The following PTPRK variants were observed in gnomAD, a reference collection of about 807,000 sequenced individuals.
PTPRK encodes receptor-type tyrosine-protein phosphatase kappa.
In PTPRK, 75 loss-of-function variants were observed where a neutral mutation model predicts 178.0. The ratio of observed to expected loss-of-function variants is 0.42; its 90% CI spans 0.35 to 0.51. PTPRK has a LOEUF of 0.51. Ranked by LOEUF, PTPRK falls within the 20% of genes least tolerant of loss-of-function variation. The pLI is 0.02. For missense variants in PTPRK, 1,441 were observed against 1,797.8 expected, an observed-to-expected ratio of 0.80 and a Z score of 3.59; for synonymous variants, 637 against 620.6, an observed-to-expected ratio of 1.03 and a Z score of -0.39.
At chr6:128,254,208 G>A (rs923943501) in intron 3 of PTPRK, among the ~76,000 whole-genome samples, 2 of 152,066 alleles carry the variant, frequency 1.3e-5, no homozygotes, top group Admixed American at 6.6e-5. Flanking sequence ...GGGATAGAAC[G>A]CCTGTGAACT....
At chr6:128,472,759 A>T (rs942593709) in intron 1 of PTPRK, 1 of 276,968 alleles carries the variant, frequency 3.6e-6, no homozygotes, top group African/African-American at 2.3e-5. Context: ...AATTAAGAAA[A>T]CTTAACATTG....
intron 1 of PTPRK, among the ~76,000 whole-genome samples, chr6:128,455,949 T>C (rs1848331088): frequency 6.6e-6 from 1 of 152,128 alleles, no homozygotes. Flanking sequence ...AAGAGCCATA[T>C]AATCTACAAT....
In PTPRK at chr6:128,114,391, G is replaced by A. The variant is rs138656254; in HGVS notation, c.1163-24399C>T. Among the ~76,000 whole-genome samples the A allele has an allele frequency of 3.6e-3, 545 of 151,962 alleles. 5 individuals carry two copies. Among genetic ancestry groups the A allele is most frequent in the African/African-American group, 0.012 (500 of 41,482 alleles). ...TCAGCACTTTCAGAGGCGGAGGTGG[G>A]CGGATCACCTAAGGTCAGGAGTTCA... On this transcript the variant is annotated intron_variant, in intron 7 of 29. Transcript: ENST00000368226.
chr6:128,139,178 C>A (rs575815004), intron 7 of PTPRK, among the ~76,000 whole-genome samples: 7 of 151,990 alleles, frequency 4.6e-5, no homozygotes, highest in African/African-American at 1.7e-4. Flanking sequence ...AGAACAACAA[C>A]ATTATGGAGA....
intron 6 of PTPRK, among the ~76,000 whole-genome samples, chr6:128,193,279 T>TA (rs1554338433): frequency 0.091 from 1,764 of 19,334 alleles, 35 homozygotes; most frequent in African/African-American, 0.19. Context: ...ATCCAGCTTG[T>TA]GAAAAAAAAA....
intron 1 of PTPRK, among the ~76,000 whole-genome samples, chr6:128,503,418 G>A (rs1412868733): frequency 6.6e-6 from 1 of 152,062 alleles, no homozygotes; most frequent in East Asian, 1.9e-4. Flanking sequence ...TCCACGTCCT[G>A]ATGGCACTTT....
chr6:128,372,287 G>A (rs2128349549), intron 2 of PTPRK, among the ~76,000 whole-genome samples: 1 of 152,282 alleles, frequency 6.6e-6, no homozygotes, highest in South Asian at 2.1e-4. Flanking sequence ...AAGAATACCA[G>A]GAAATGGTGA....
At chr6:128,504,315 T>C (rs1027998925) in intron 1 of PTPRK, among the ~76,000 whole-genome samples, 1 of 152,202 alleles carries the variant, frequency 6.6e-6, no homozygotes, top group African/African-American at 2.4e-5. Flanking sequence ...TAAAATTATA[T>C]GCTTTTCTAA....
At chr6:128,004,956 T>G in intron 15 of PTPRK, 128 bp downstream of exon 15, 1 of 758,550 alleles carries the variant, frequency 1.3e-6, no homozygotes, top group Non-Finnish European at 2.1e-6. Flanking sequence ...TCTCCATCTC[T>G]TTCTCTTCTT....
intron 7 of PTPRK, among the ~76,000 whole-genome samples, chr6:128,170,002 T>C (rs2114641021): frequency 6.6e-6 from 1 of 152,236 alleles, no homozygotes; most frequent in Non-Finnish European, 1.5e-5. Flanking sequence ...CAAATTATAG[T>C]AGGCATCTTC....
intron 1 of PTPRK, among the ~76,000 whole-genome samples, chr6:128,443,669 C>T (rs972365388): frequency 6.6e-5 from 10 of 152,088 alleles, no homozygotes; most frequent in Non-Finnish European, 1.3e-4. Context: ...AATTATGACT[C>T]CCAGGTTTCT....
At chr6:128,463,740 G>GTTTTTTTTT (rs1562573600) in intron 1 of PTPRK, among the ~76,000 whole-genome samples, 1 of 135,838 alleles carries the variant, frequency 7.4e-6, no homozygotes, top group African/African-American at 2.9e-5. Flanking sequence ...CAATCTTCAC[G>GTTTTTTTTT]GTTTTTTTTT....
chr6:128,509,095 G>C (rs765067849), intron 1 of PTPRK, among the ~76,000 whole-genome samples: 2 of 152,120 alleles, frequency 1.3e-5, no homozygotes, highest in Non-Finnish European at 2.9e-5. Flanking sequence ...CCTTTGTCTA[G>C]TGTGTCCATA....
chr6:127,987,382 T>A (rs1332787353), intron 21 of PTPRK, among the ~76,000 whole-genome samples: 2 of 152,114 alleles, frequency 1.3e-5, no homozygotes, highest in Non-Finnish European at 2.9e-5. Context: ...CTCCACTCAT[T>A]CACATATTAT....
At chr6:128,027,550 A>C (rs1488322136) in intron 13 of PTPRK, among the ~76,000 whole-genome samples, 1 of 151,920 alleles carries the variant, frequency 6.6e-6, no homozygotes, top group African/African-American at 2.4e-5. Flanking sequence ...AAACTCTTTT[A>C]ATATATTATT....
intron 7 of PTPRK, among the ~76,000 whole-genome samples, chr6:128,136,159 G>A (rs924846301): frequency 6.6e-6 from 1 of 152,156 alleles, no homozygotes; most frequent in African/African-American, 2.4e-5. Flanking sequence ...CCATCTGCAA[G>A]CCAAGGAGAG....
intron 7 of PTPRK, among the ~76,000 whole-genome samples, chr6:128,100,795 T>C (rs1015620108): frequency 1.3e-5 from 2 of 152,010 alleles, no homozygotes; most frequent in Non-Finnish European, 2.9e-5. Context: ...ATGAACTGGC[T>C]CGAGCCAGTC....
intron 13 of PTPRK, among the ~76,000 whole-genome samples, chr6:128,011,311 G>T (rs1457438536): frequency 6.6e-6 from 1 of 151,134 alleles, no homozygotes; most frequent in Non-Finnish European, 1.5e-5. Context: ...AGGGGCTAAT[G>T]ATAATGATCC....
chr6:128,462,831 A>AT lies in PTPRK; in HGVS notation c.100+57427dup, dbSNP rs200527808. ...CCACCACACCCAGCTAATTTTTTGTATTTTTAGTAGAGACAGGGTTTCACC... is the reference window on the plus strand; with the variant it reads ...CCACCACACCCAGCTAATTTTTTGTATTTTTTAGTAGAGACAGGGTTTCACC... On this transcript the variant is annotated intron_variant, in intron 1 of 29. Coordinates refer to ENST00000368226, the MANE Select transcript of PTPRK (RefSeq NM_002844.4). 5.6e-3 allele frequency among the ~76,000 whole-genome samples: 853 copies of AT among 151,666 alleles called. 30 individuals carry two copies. Among genetic ancestry groups the AT allele is most frequent in the Non-Finnish European group, 2.2e-3 (146 of 67,900 alleles).
Sources: allele counts gnomAD v4.1 joint callset (sites outside exome capture counted in the v4.1 genomes callset), GRCh38; gene constraint gnomAD v4.1.1; transcripts MANE v1.5; gene names NCBI Gene and HGNC (gene_info 2026-07-23, HGNC 2026-07-21).